RCBTB1: variants seen among roughly 807,000 people sequenced by gnomAD.
RCBTB1 encodes the protein RCC1 and BTB domain-containing protein 1.
In RCBTB1, 46 loss-of-function variants were observed where a neutral mutation model predicts 62.4. That is an observed-to-expected ratio of 0.74 (90% CI 0.58 to 0.94). The LOEUF is 0.94. RCBTB1 is among the 40% of genes least tolerant of loss of function. The pLI is 0.00. For missense variants in RCBTB1, 565 were observed against 654.9 expected, an observed-to-expected ratio of 0.86 and a Z score of 1.50; for synonymous variants, 222 against 245.8, an observed-to-expected ratio of 0.90 and a Z score of 0.91.
At chr13:49,576,958 A>G (rs1277515467) in intron 2 of RCBTB1, among the ~76,000 whole-genome samples, 1 of 152,212 alleles carries the variant, frequency 6.6e-6, no homozygotes, top group East Asian at 1.9e-4. Context: ...ATGCCAACCC[A>G]CTTGGCTCTT....
rs761753914 is a variant in RCBTB1, at chr13:49,532,137, A to G, written c.*1985T>C. On this transcript the variant is annotated 3_prime_UTR_variant, in exon 13 of 13. Transcript: ENST00000378302. ...AAAATCAATTCAAATAAGAGTTGTC[A>G]TATCCTGCTATGATTAACAAAAAAA... is the stretch of plus-strand genomic sequence containing the variant. 2 of 152,614 alleles carry G rather than the reference A, an allele frequency of 1.3e-5. No individual in the cohort carries two copies. The highest frequency in any genetic ancestry group is 6.5e-5 in the Admixed American group (1 of 15,278). 9.5% of individuals were successfully genotyped at this position (152,614 alleles called of 1,614,324 possible).
rs746376392 is a variant in RCBTB1, at chr13:49,533,370, A to T, written c.*752T>A. The T allele has an allele frequency of 4.1e-4, 62 of 152,214 alleles. No individual in the cohort carries two copies. The highest frequency in any genetic ancestry group is 7.3e-4 in the Non-Finnish European group (50 of 68,038). The allele number at this position is 152,214 out of a possible 1,614,324, so 9.4% of individuals were successfully genotyped here. Reference sequence around the variant, plus strand: ...AAACACCATTGGATAAGTAGTGGAGATTCTAATTTATAAAATATTCACCTT... The same window carrying T: ...AAACACCATTGGATAAGTAGTGGAGTTTCTAATTTATAAAATATTCACCTT... On this transcript the variant is annotated 3_prime_UTR_variant, in exon 13 of 13. Coordinates refer to ENST00000378302, the MANE Select transcript of RCBTB1 (RefSeq NM_018191.4).
intron 2 of RCBTB1, among the ~76,000 whole-genome samples, chr13:49,571,171 A>G (rs1311056181): frequency 6.6e-6 from 1 of 152,086 alleles, no homozygotes; most frequent in Non-Finnish European, 1.5e-5. Flanking sequence ...ACATGGAGAA[A>G]CCCTGTCTCT....
intron 8 of RCBTB1, 200 bp downstream of exon 8, chr13:49,551,126 G>C (rs1379397333): frequency 4.9e-5 from 26 of 534,360 alleles, no homozygotes; most frequent in Middle Eastern, 4.9e-4. Flanking sequence ...GGAAGGGAAG[G>C]GGGGAGGGAG....
chr13:49,551,339 C>T lies in RCBTB1; in HGVS notation c.841G>A (p.Val281Met), dbSNP rs1343068105. ...CAGCCAAGTTACCTTTCTTTCTCCACCATGATGTGTGCTGGGCTTAGCAGG... is the reference window on the plus strand; with the variant it reads ...CAGCCAAGTTACCTTTCTTTCTCCATCATGATGTGTGCTGGGCTTAGCAGG... ...NNLLSPAHIM[V>M]EKERVVEIAA... Residue 281 changes from valine to methionine, a missense_variant, in exon 8 of 13, where the codon GTG (valine) becomes ATG (methionine). By Grantham distance (21) the Val-to-Met change is conservative. Transcript: ENST00000378302. 9.9e-6 allele frequency: 16 copies of T among 1,614,082 alleles called. No individual in the cohort carries two copies. The highest frequency in any genetic ancestry group is 1.2e-5 in the Non-Finnish European group (14 of 1,180,030).
Position 49,533,891 on chromosome 13 carries a change from G to A in RCBTB1, c.*231C>T, listed in dbSNP as rs17073094. ...TTTACATGTTCCAGCCCAAATTTACGAAAGGTCACATTTAAAATACACTTA... is the reference window on the plus strand; with the variant it reads ...TTTACATGTTCCAGCCCAAATTTACAAAAGGTCACATTTAAAATACACTTA... On this transcript the variant is annotated 3_prime_UTR_variant, in exon 13 of 13. Transcript: ENST00000378302. 2,740 of 383,144 alleles carry A rather than the reference G, an allele frequency of 7.2e-3. 24 individuals carry two copies. Among genetic ancestry groups the A allele is most frequent in the Middle Eastern group, 0.011 (15 of 1,368 alleles). 23.7% of individuals were successfully genotyped at this position (383,144 alleles called of 1,614,324 possible). A position where few individuals can be genotyped will look rare whatever the true frequency, so the allele number is the denominator to read the frequency against.
chr13:49,543,360 G>C (rs1960537354), intron 10 of RCBTB1, among the ~76,000 whole-genome samples: 1 of 152,140 alleles, frequency 6.6e-6, no homozygotes, highest in South Asian at 2.1e-4. Flanking sequence ...AGTTGTCTAA[G>C]AAAGAATCAT....
At chr13:49,535,898 C>A (rs905575159) in intron 12 of RCBTB1, among the ~76,000 whole-genome samples, 2 of 152,000 alleles carry the variant, frequency 1.3e-5, no homozygotes, top group African/African-American at 4.8e-5. Context: ...TGGCAAGCAC[C>A]TGTAATCCCA....
At chr13:49,538,520 GGGCAACATAA>G (rs1960097478) in intron 12 of RCBTB1, among the ~76,000 whole-genome samples, 1 of 152,082 alleles carries the variant, frequency 6.6e-6, no homozygotes, top group African/African-American at 2.4e-5. Context: ...AGACCAGCCT[GGGCAACATAA>G]TGAAACCCTG....
chr13:49,551,507 C>T, intron 7 of RCBTB1, 39 bp from the exon 8 acceptor site: 1 of 1,609,864 alleles, frequency 6.2e-7, no homozygotes. Context: ...AGCAGGAAAA[C>T]AGGAAGGGCA....
rs144641365 is a variant in RCBTB1, at chr13:49,568,248, C to T, written c.-41-928G>A. Among the ~76,000 whole-genome samples, 160 of 152,312 alleles carry T rather than the reference C, an allele frequency of 1.1e-3. 1 individual carries two copies. The Middle Eastern group carries it at 0.031, about 29-fold the overall frequency. ...CCTGCTACATTTCTTTCCAATGGTACTATGGCATTCCATTACATCGATTTA... is the reference window on the plus strand; with the variant it reads ...CCTGCTACATTTCTTTCCAATGGTATTATGGCATTCCATTACATCGATTTA... On this transcript the variant is annotated intron_variant, in intron 2 of 12. Coordinates refer to ENST00000378302, the MANE Select transcript of RCBTB1 (RefSeq NM_018191.4).
At chr13:49,560,343 G>A (rs905747123) in intron 4 of RCBTB1, among the ~76,000 whole-genome samples, 3 of 152,154 alleles carry the variant, frequency 2.0e-5, no homozygotes, top group Non-Finnish European at 2.9e-5. Flanking sequence ...CAAAGTTTAC[G>A]TATGCAAGAA....
intron 12 of RCBTB1, among the ~76,000 whole-genome samples, 180 bp from the exon 13 acceptor site, chr13:49,534,442 C>T (rs1416919176): frequency 6.6e-6 from 1 of 152,104 alleles, no homozygotes; most frequent in Non-Finnish European, 1.5e-5. Context: ...AAAACACATA[C>T]TATTTATTCA....
At position 49,551,451 on chromosome 13, in the gene RCBTB1, T is replaced by G. The variant is rs73493297; in HGVS notation, c.729A>C (p.Ala243=). ...CCTCATCTGTTAGTGCTAGAGTATG[T>G]GCGTAACCGCAGACAATCTGCAAGT... is the stretch of plus-strand genomic sequence containing the variant. ...VCVNQIVCGY[A]HTLALTDEGL... The change falls in exon 8 of 13, where the codon GCA becomes GCC. Residue 243 remains alanine (A), a synonymous_variant. Coordinates refer to ENST00000378302, the MANE Select transcript of RCBTB1 (RefSeq NM_018191.4). 28 of 1,614,064 alleles carry G rather than the reference T, an allele frequency of 1.7e-5. No individual in the cohort carries two copies. Among genetic ancestry groups the G allele is most frequent in the Non-Finnish European group, 2.2e-5 (26 of 1,179,972 alleles).
At chr13:49,574,284 A>AATTTTTTT (rs1264367257) in intron 2 of RCBTB1, among the ~76,000 whole-genome samples, 5 of 149,608 alleles carry the variant, frequency 3.3e-5, no homozygotes, top group Admixed American at 6.7e-5. Context: ...ACGCCTGGCT[A>AATTTTTTT]ATTTTTGTAT....
intron 12 of RCBTB1, among the ~76,000 whole-genome samples, chr13:49,540,424 T>G (rs1278624730): frequency 6.6e-6 from 1 of 152,210 alleles, no homozygotes; most frequent in Admixed American, 6.5e-5. Context: ...GGTAAATAAC[T>G]GTGAGCTGTA....
intron 4 of RCBTB1, among the ~76,000 whole-genome samples, chr13:49,564,500 C>T (rs970656842): frequency 1.4e-5 from 2 of 139,014 alleles, no homozygotes; most frequent in Non-Finnish European, 3.1e-5. Context: ...GCAGAAGAAT[C>T]GCTTGAACCC....
At chr13:49,569,016 ATATT>A (rs1205950275) in intron 2 of RCBTB1, among the ~76,000 whole-genome samples, 2 of 152,366 alleles carry the variant, frequency 1.3e-5, no homozygotes, top group African/African-American at 4.8e-5. Flanking sequence ...TAGAAAATTT[ATATT>A]TATTCATTCA....
At chr13:49,539,869 T>A (rs1432020811) in intron 12 of RCBTB1, among the ~76,000 whole-genome samples, 7 of 152,184 alleles carry the variant, frequency 4.6e-5, no homozygotes, top group African/African-American at 1.7e-4. Flanking sequence ...TTTGAAAACA[T>A]CGTGGTCAAC....
Sources: allele counts gnomAD v4.1 joint callset (sites outside exome capture counted in the v4.1 genomes callset), GRCh38; gene constraint gnomAD v4.1.1; transcripts MANE v1.5; gene names NCBI Gene and HGNC (gene_info 2026-07-23, HGNC 2026-07-21).